The following ALG13 variants were observed in gnomAD, a reference collection of about 807,000 sequenced individuals.
ALG13 encodes the protein ALG13 UDP-N-acetylglucosaminyltransferase subunit.
In ALG13, 11 loss-of-function variants were observed where a neutral mutation model predicts 87.8. The ratio of observed to expected loss-of-function variants is 0.13; its 90% CI spans 0.08 to 0.21. The LOEUF is 0.21. Among genes scored for constraint, ALG13 ranks in the 10% least tolerant of loss-of-function variants. The probability of loss-of-function intolerance (pLI) is 1.00; values close to 1 mark genes in which losing one functional copy is unlikely to be tolerated. For missense variants in ALG13, 756 were observed against 866.1 expected (o/e 0.87, Z 1.60); for synonymous variants, 320 against 306.3 (o/e 1.04, Z -0.47).
intron 3 of ALG13, chrX:111,688,650 G>A: frequency 5.3e-6 from 4 of 750,478 alleles, no homozygotes; most frequent in Non-Finnish European, 4.7e-6. Flanking sequence ...TAATCAAAAA[G>A]GACTTATACC....
At position 111,696,587 on chromosome X, in the gene ALG13, G is replaced by A. The variant is rs191577789; in HGVS notation, c.384-11440G>A. On this transcript the variant is annotated intron_variant, in intron 3 of 26. Transcript: ENST00000394780. The stretch of plus-strand genomic sequence containing the variant: ...CTCATTTAATTGGTTGAAACGTGAA[G>A]TGTTATTTTAGAATTAAAATCATTA... Among the ~76,000 whole-genome samples the A allele has an allele frequency of 2.2e-4, 25 of 111,971 alleles. No homozygotes were observed. The East Asian group carries it at 6.7e-3, about 30-fold the overall frequency.
chrX:111,727,024 C>G lies in ALG13; in HGVS notation c.1945C>G (p.Pro649Ala). Residue 649 changes from proline to alanine, a missense_variant, in exon 16 of 27, where the codon CCG (proline) becomes GCG (alanine). Coordinates refer to ENST00000394780, the MANE Select transcript of ALG13 (RefSeq NM_001099922.3). Reference protein sequence around the residue: ...NEHFHPQHPSPRQGRGYGMPR... With the variant: ...NEHFHPQHPSARQGRGYGMPR... ...ACATTTTCATCCTCAGCATCCATCT[C>G]CGAGACAAGGTCGGGGATATGGGAT... 2 of 1,211,148 alleles carry G rather than the reference C, an allele frequency of 1.7e-6. No homozygotes were observed. The highest frequency in any genetic ancestry group is 2.2e-6 in the Non-Finnish European group (2 of 895,115).
intron 1 of ALG13, chrX:111,681,533 T>A (rs1569509101): frequency 1.0e-6 from 1 of 976,281 alleles, no homozygotes; most frequent in East Asian, 3.7e-5. Context: ...CGGCCGCTCC[T>A]CTCCCTCATT....
At position 111,718,188 on chromosome X, in the gene ALG13, T is replaced by C. The variant is rs1463398527; in HGVS notation, c.1164T>C (p.Phe388=). ...AGTTGAAGACTGCGATTAAATTGTT[T>C]CGAAGTGGTTCTAAGAAGAACAGAA... ...EEELKTAIKL[F]RSGSKKNRNN... The change falls in exon 10 of 27, where the codon TTT becomes TTC. Residue 388 remains phenylalanine (F), a synonymous_variant. Transcript: ENST00000394780. The C allele has an allele frequency of 2.6e-6, 3 of 1,174,531 alleles. No homozygotes were observed. The highest frequency in any genetic ancestry group is 3.4e-6 in the Non-Finnish European group (3 of 874,679).
chrX:111,732,370 T>C (rs1942791176), intron 21 of ALG13, among the ~76,000 whole-genome samples: 1 of 112,280 alleles, frequency 8.9e-6, no homozygotes, highest in East Asian at 2.8e-4. Flanking sequence ...AAAATCTCAG[T>C]GGCTTAACTC....
intron 3 of ALG13, chrX:111,689,646 G>A (rs1296235001): frequency 3.5e-5 from 26 of 733,537 alleles, no homozygotes; most frequent in Admixed American, 8.9e-5. Flanking sequence ...GATTTGGCAC[G>A]GATTCTTGAG....
At chrX:111,688,143 T>C (rs1039075198) in intron 3 of ALG13, 13 of 856,000 alleles carry the variant, frequency 1.5e-5, no homozygotes, top group Non-Finnish European at 1.7e-5. Context: ...TAGGAAATTT[T>C]ATGTTGTGCA....
chrX:111,752,603 A>AC (rs1159196120), intron 24 of ALG13, 187 bp from the exon 25 acceptor site: 6 of 316,651 alleles, frequency 1.9e-5, no homozygotes, highest in Non-Finnish European at 3.4e-5. Context: ...TTTAGTAGAG[A>AC]CAGGGTTTCA....
At chrX:111,707,667 G>A (rs1939019858) in intron 3 of ALG13, among the ~76,000 whole-genome samples, 1 of 111,743 alleles carries the variant, frequency 8.9e-6, no homozygotes, top group Non-Finnish European at 1.9e-5. Flanking sequence ...ACTATGAAAG[G>A]AGCAGGGAAT....
chrX:111,733,746 C>T (rs1942956966), intron 21 of ALG13, among the ~76,000 whole-genome samples: 1 of 111,245 alleles, frequency 9.0e-6, no homozygotes, highest in Non-Finnish European at 1.9e-5. Flanking sequence ...ACAGTGTACA[C>T]AGTTGTACTA....
At chrX:111,682,526 TG>T (rs1260716820) in intron 2 of ALG13, among the ~76,000 whole-genome samples, 13 of 112,106 alleles carry the variant, frequency 1.2e-4, no homozygotes. Flanking sequence ...AATCGCTAGC[TG>T]AACTCACTGT....
At chrX:111,756,156 C>G (rs1264137793) in intron 25 of ALG13, among the ~76,000 whole-genome samples, 1 of 111,848 alleles carries the variant, frequency 8.9e-6, no homozygotes, top group Non-Finnish European at 1.9e-5. Flanking sequence ...CAAACTATCA[C>G]AAGGACAGAA....
intron 3 of ALG13, chrX:111,686,075 TC>T: frequency 1.3e-6 from 1 of 773,083 alleles, no homozygotes; most frequent in South Asian, 4.0e-5. Flanking sequence ...ATATTAGAAT[TC>T]AACAGGAACT....
Position 111,685,122 on chromosome X carries a change from A to G in ALG13, c.383+19A>G. 1 of 1,197,109 alleles carries G rather than the reference A, an allele frequency of 8.4e-7. No individual in the cohort carries two copies. The highest frequency in any genetic ancestry group is 1.8e-5 in the South Asian group (1 of 54,148). ...CCTGCAGGTATGCTAGAGACTGATT[A>G]TTATTATCTCTTGCCTTAATTCGTC... On this transcript the variant is annotated intron_variant, in intron 3 of 26. Coordinates refer to ENST00000394780, the MANE Select transcript of ALG13 (RefSeq NM_001099922.3).
At chrX:111,717,655 T>C (rs1940825371) in intron 8 of ALG13, among the ~76,000 whole-genome samples, 191 bp from the exon 9 acceptor site, 1 of 109,646 alleles carries the variant, frequency 9.1e-6, no homozygotes, top group Non-Finnish European at 1.9e-5. Flanking sequence ...CATTTAAAAG[T>C]CACTGCCAAG....
intron 8 of ALG13, chrX:111,714,171 C>T (rs1001363158): frequency 1.6e-4 from 18 of 110,772 alleles, no homozygotes; most frequent in East Asian, 2.8e-4. Flanking sequence ...TAAGTATGAA[C>T]GGGGTACGTT....
At chrX:111,755,532 A>G (rs1945162424) in intron 25 of ALG13, among the ~76,000 whole-genome samples, 1 of 112,610 alleles carries the variant, frequency 8.9e-6, no homozygotes, top group African/African-American at 3.2e-5. Flanking sequence ...CAATCTATCC[A>G]TCTGACAAAG....
chrX:111,729,001 T>G (rs888315304), intron 19 of ALG13, among the ~76,000 whole-genome samples: 1 of 111,675 alleles, frequency 9.0e-6, no homozygotes, highest in African/African-American at 3.3e-5. Context: ...ATTCAATGGT[T>G]TTTTATTCAG....
At chrX:111,757,299 T>C (rs1173885756) in intron 25 of ALG13, 4 of 222,758 alleles carry the variant, frequency 1.8e-5, no homozygotes. Context: ...TGCAATGTTT[T>C]TTGCTTTTAA....
Sources: gnomAD v4.1 joint callset for allele counts (sites outside exome capture counted in the v4.1 genomes callset) on GRCh38, gnomAD v4.1.1 for gene constraint, MANE v1.5 for transcripts, NCBI Gene and HGNC (gene_info 2026-07-23, HGNC 2026-07-21) for gene names.